Variants in SHMT1 observed in about 807,000 individuals in gnomAD.
The protein encoded by SHMT1 is serine hydroxymethyltransferase, cytosolic.
A neutral mutation model predicts 49.0 loss-of-function variants in SHMT1; 45 were observed. The observed-to-expected ratio is 0.92, with a 90% CI of 0.72 to 1.18. The LOEUF (loss-of-function observed/expected upper bound fraction) is 1.18. Ranked by LOEUF, SHMT1 falls within the 50% of genes most tolerant of loss-of-function variation. The probability of loss-of-function intolerance (pLI) is 0.00; values close to 1 mark genes in which losing one functional copy is unlikely to be tolerated. For synonymous variants in SHMT1, 232 were observed against 246.6 expected (o/e 0.94, Z 0.55); for missense variants, 541 against 612.4 (o/e 0.88, Z 1.23).
At chr17:18,360,574 G>C (rs1006257160) in intron 1 of SHMT1, 1 of 147,150 alleles carries the variant, frequency 6.8e-6, no homozygotes, top group African/African-American at 2.5e-5. Context: ...AAAAAAAAAA[G>C]AAAAGAAAAG....
At chr17:18,350,692 G>C (rs1038364458) in intron 3 of SHMT1, among the ~76,000 whole-genome samples, 1 of 150,646 alleles carries the variant, frequency 6.6e-6, no homozygotes, top group Non-Finnish European at 1.5e-5. Context: ...TTGTTTTTAG[G>C]TTTGTATCAA....
chr17:18,352,171 G>A (rs1485925824), intron 3 of SHMT1, among the ~76,000 whole-genome samples: 4 of 106,212 alleles, frequency 3.8e-5, no homozygotes, highest in Middle Eastern at 5.2e-3. Flanking sequence ...TTTTTGAGAC[G>A]GAGGCTCGCT....
chr17:18,353,320 T>C (rs1985906368), intron 3 of SHMT1, among the ~76,000 whole-genome samples: 1 of 152,186 alleles, frequency 6.6e-6, no homozygotes, highest in South Asian at 2.1e-4. Flanking sequence ...ACAGACTCGA[T>C]GACTCACATG....
intron 5 of SHMT1, 95 bp downstream of exon 5, chr17:18,347,401 G>T: frequency 1.4e-6 from 2 of 1,387,682 alleles, no homozygotes; most frequent in Non-Finnish European, 2.0e-6. Flanking sequence ...GGGACTTCCT[G>T]TAGTGACACA....
At position 18,340,348 on chromosome 17, in the gene SHMT1, GC is replaced by G; in HGVS notation, c.602-94del. 1.5e-6 allele frequency: 2 copies of G among 1,317,636 alleles called. No individual in the cohort carries two copies. The highest frequency in any genetic ancestry group is 2.2e-6 in the Non-Finnish European group (2 of 925,750). 81.6% of individuals were successfully genotyped at this position (1,317,636 alleles called of 1,614,324 possible). A position where few individuals can be genotyped will look rare whatever the true frequency, so the allele number is the denominator to read the frequency against. On this transcript the variant is annotated intron_variant, in intron 6 of 11. Transcript: ENST00000316694. This position sits in a 1 kb window ranked among gnomAD's most constrained non-coding sequence, Gnocchi z 4.5. The stretch of plus-strand genomic sequence containing the variant: ...GGCCTCTAGATGTGCAGATCTGAAA[GC>G]CCAGAGATTTCTTCCCTTAAAGTCT...
intron 5 of SHMT1, among the ~76,000 whole-genome samples, chr17:18,344,577 GAAAAAAAAAAAA>G (rs10655994): frequency 1.5e-5 from 1 of 65,384 alleles, no homozygotes; most frequent in African/African-American, 6.0e-5. Context: ...ACAATTACCG[GAAAAAAAAAAAA>G]AAAAAAAAAA....
rs557322780 is a variant in SHMT1 at position 18,333,978 on chromosome 17, G to A, written c.932-690C>T. ...TTGAGAGATGGAGTCTCGCTCTGTC[G>A]CTGAGGCTGGAGTGCAGTGGTGCAA... is the stretch of plus-strand genomic sequence containing the variant. On this transcript the variant is annotated intron_variant, in intron 8 of 11. Transcript: ENST00000316694. 9.9e-5 allele frequency among the ~76,000 whole-genome samples: 15 copies of A among 151,986 alleles called. 1 individual carries two copies. Among genetic ancestry groups the A allele is most frequent in the Admixed American group, 6.5e-4 (10 of 15,276 alleles).
Position 18,340,870 on chromosome 17 carries a change from T to C in SHMT1, c.520-57A>G, listed in dbSNP as rs574737256. On this transcript the variant is annotated intron_variant, in intron 5 of 11. Coordinates refer to ENST00000316694, the MANE Select transcript of SHMT1 (RefSeq NM_004169.5). This position sits in a 1 kb window ranked among gnomAD's most constrained non-coding sequence, Gnocchi z 4.5. ...GCTTCCTCCAACCACACCTGCCTCC[T>C]GTCCTCCCACTTGAACTGGCTCCAC... 38 of 1,277,632 alleles carry C rather than the reference T, an allele frequency of 3.0e-5. No homozygotes were observed. In the African/African-American group the frequency reaches 5.3e-4, roughly 18 times the overall value. The allele number at this position is 1,277,632 out of a possible 1,614,324, so 79.1% of individuals were successfully genotyped here. A position where few individuals can be genotyped will look rare whatever the true frequency, so the allele number is the denominator to read the frequency against.
At chr17:18,351,383 T>C (rs1985681086) in intron 3 of SHMT1, among the ~76,000 whole-genome samples, 1 of 151,396 alleles carries the variant, frequency 6.6e-6, no homozygotes, top group Admixed American at 6.6e-5. Context: ...CCTGACCTCA[T>C]GATCCACCCA....
intron 7 of SHMT1, among the ~76,000 whole-genome samples, chr17:18,339,352 G>A (rs1275989142): frequency 2.0e-5 from 3 of 152,136 alleles, no homozygotes; most frequent in Non-Finnish European, 2.9e-5. Flanking sequence ...AAGTTCACCA[G>A]AATAATGCAG....
intron 7 of SHMT1, 71 bp downstream of exon 7, chr17:18,339,972 A>G: frequency 2.0e-6 from 3 of 1,483,402 alleles, no homozygotes; most frequent in Non-Finnish European, 2.8e-6. Flanking sequence ...AGCTCCCTCA[A>G]CTGAATCTGA....
intron 5 of SHMT1, among the ~76,000 whole-genome samples, chr17:18,343,146 C>G (rs1404695441): frequency 6.6e-6 from 1 of 151,756 alleles, no homozygotes; most frequent in East Asian, 1.9e-4. Context: ...AATAGTTCCA[C>G]ACTGTATATA....
intron 8 of SHMT1, among the ~76,000 whole-genome samples, chr17:18,334,322 C>T (rs555084828): frequency 1.6e-4 from 24 of 152,278 alleles, no homozygotes; most frequent in Middle Eastern, 6.8e-3. Context: ...CTCCTGGGCT[C>T]AAGTGACCCA....
At position 18,328,821 on chromosome 17, in the gene SHMT1, C is replaced by A; in HGVS notation, c.1381G>T (p.Val461Leu). Residue 461 changes from valine to leucine, a missense_variant, in exon 12 of 12, where the codon GTG becomes TTG. Physicochemically the swap from Val to Leu is conservative, Grantham distance 32 (BLOSUM62 1). Transcript: ENST00000316694. ...TCAACCTCCTCCCGGAGAGCCTGCA[C>A]GGCCGCCTGGTACTTATCCCCTGCC... ...RLAGDKYQAA[V>L]QALREEVESF... is the part of the protein sequence containing the mutation. 6.2e-7 allele frequency: 1 copy of A among 1,612,796 alleles called. No individual in the cohort carries two copies. The highest frequency in any genetic ancestry group is 1.1e-5 in the South Asian group (1 of 90,826).
intron 1 of SHMT1, among the ~76,000 whole-genome samples, chr17:18,361,614 C>T (rs1986783294): frequency 6.6e-6 from 1 of 151,596 alleles, no homozygotes; most frequent in South Asian, 2.1e-4. Context: ...GGTGAAACCC[C>T]GTCTCTACAA....
chr17:18,348,336 T>C lies in SHMT1; in HGVS notation c.347A>G (p.Gln116Arg), dbSNP rs759784953. ...GATGAGACAAGCACCTGAGTAGGGC[T>C]GGACGTTGACCCCCCAGCACTGTGG... ...LDPQCWGVNVQPYSGSPANFA... is the reference protein window; with the variant it reads ...LDPQCWGVNVRPYSGSPANFA... Residue 116 changes from glutamine to arginine, a missense_variant, in exon 4 of 12, where the codon CAG (glutamine) becomes CGG (arginine). Gln to Arg is a conservative substitution (Grantham distance 43, BLOSUM62 1). Transcript: ENST00000316694. 5 of 1,610,932 alleles carry C rather than the reference T, an allele frequency of 3.1e-6. 1 individual carries two copies. In the East Asian group the frequency reaches 1.1e-4, roughly 36 times the overall value.
chr17:18,330,463 TC>T (rs2151562578), intron 10 of SHMT1, 91 bp downstream of exon 10: 1 of 960,494 alleles, frequency 1.0e-6, no homozygotes, highest in Non-Finnish European at 1.7e-6. Flanking sequence ...GTGAGGTCTG[TC>T]CCCGGAGCCA....
intron 7 of SHMT1, among the ~76,000 whole-genome samples, chr17:18,338,444 G>C (rs531836092): frequency 6.9e-6 from 1 of 145,244 alleles, no homozygotes; most frequent in Non-Finnish European, 1.5e-5. Context: ...TCCAGGAGGT[G>C]GGGGGGCGCC....
Position 18,347,487 on chromosome 17 carries a change from C to G in SHMT1, c.519+9G>C. The G allele has an allele frequency of 6.2e-7, 1 of 1,613,856 alleles. No homozygotes were observed. The highest frequency in any genetic ancestry group is 1.7e-5 in the Admixed American group (1 of 60,000). ...GGAAATAAAAGCTAGGAGAGAAACA[C>G]ATGCTTACCTTGTAGGGCATAGATT... On this transcript the variant is annotated intron_variant, in intron 5 of 11. Coordinates refer to ENST00000316694, the MANE Select transcript of SHMT1 (RefSeq NM_004169.5).
Sources: allele counts gnomAD v4.1 joint callset (sites outside exome capture counted in the v4.1 genomes callset), GRCh38; gene constraint gnomAD v4.1.1; non-coding constraint Gnocchi (gnomAD v3.1); transcripts MANE v1.5; gene names NCBI Gene and HGNC (gene_info 2026-07-23, HGNC 2026-07-21).